CCM2: variants seen among roughly 807,000 people sequenced by gnomAD.
CCM2 encodes the protein CCM2 scaffold protein, also known as cerebral cavernous malformations 2 protein.
A neutral mutation model predicts 44.9 loss-of-function variants in CCM2; 25 were observed. The observed-to-expected ratio is 0.56, with a 90% CI of 0.41 to 0.78. The LOEUF (loss-of-function observed/expected upper bound fraction) is 0.78. CCM2 is among the 30% of genes least tolerant of loss of function. CCM2 has a pLI of 0.00. For missense variants in CCM2, 481 were observed against 580.6 expected (o/e 0.83, Z 1.76); for synonymous variants, 219 against 241.1 (o/e 0.91, Z 0.85).
intron 8 of CCM2, chr7:45,073,892 A>G: frequency 1.9e-6 from 1 of 527,284 alleles, no homozygotes; most frequent in South Asian, 2.2e-5. Flanking sequence ...TCCCCATCTT[A>G]TATAGTTCTG....
At chr7:45,066,526 G>A (rs1343137379) in intron 4 of CCM2, among the ~76,000 whole-genome samples, 1 of 152,198 alleles carries the variant, frequency 6.6e-6, no homozygotes, top group Non-Finnish European at 1.5e-5. Context: ...TTTACTTGGT[G>A]CCTGCTATGT....
At chr7:45,016,521 G>A (rs948287153) in intron 1 of CCM2, among the ~76,000 whole-genome samples, 22 of 151,446 alleles carry the variant, frequency 1.5e-4, no homozygotes, top group African/African-American at 5.3e-4. Flanking sequence ...GTAGAGACGG[G>A]GTTTCATTAT....
intron 6 of CCM2, chr7:45,071,075 C>T (rs1799046407): frequency 6.6e-6 from 1 of 152,278 alleles, no homozygotes; most frequent in Non-Finnish European, 1.5e-5. Context: ...CAGGCATCCT[C>T]TCTATCTCAT....
intron 1 of CCM2, among the ~76,000 whole-genome samples, chr7:45,022,742 C>T (rs954447335): frequency 6.6e-6 from 1 of 151,172 alleles, no homozygotes; most frequent in African/African-American, 2.4e-5. Context: ...TGAAGTCTGG[C>T]TTTTATTTTA....
At chr7:45,062,221 A>G (rs1236407307) in intron 2 of CCM2, among the ~76,000 whole-genome samples, 1 of 152,206 alleles carries the variant, frequency 6.6e-6, no homozygotes, top group Non-Finnish European at 1.5e-5. Context: ...GTCCCATTTC[A>G]TTCTTTTTTA....
chr7:45,004,142 A>G (rs1795753662), intron 1 of CCM2, among the ~76,000 whole-genome samples: 2 of 152,130 alleles, frequency 1.3e-5, no homozygotes, highest in Admixed American at 6.6e-5. Flanking sequence ...TTGTGCCACC[A>G]CCTGAGTGAC....
At position 45,038,294 on chromosome 7, in the gene CCM2, T is replaced by G; in HGVS notation, c.72T>G (p.Gly24=). The G allele has an allele frequency of 6.2e-7, 1 of 1,613,884 alleles. No homozygotes were observed. Among genetic ancestry groups the G allele is most frequent in the Non-Finnish European group, 8.5e-7 (1 of 1,179,996 alleles). ...VSPFKRVFLK[G]EKSRDKKAHE... is the part of the protein sequence containing the mutation. ...CATTTAAACGAGTATTCCTAAAAGG[T>G]GAAAAGAGTAGAGATAAGAAAGCCC... The change falls in exon 2 of 10, where the codon GGT becomes GGG. Residue 24 remains glycine, a synonymous_variant. Coordinates refer to ENST00000258781, the MANE Select transcript of CCM2 (RefSeq NM_031443.4).
intron 2 of CCM2, among the ~76,000 whole-genome samples, chr7:45,042,948 C>CT (rs1797580832): frequency 6.8e-6 from 1 of 148,052 alleles, no homozygotes. Context: ...CTCTTCTCTG[C>CT]TTTCTCTTCT....
intron 2 of CCM2, among the ~76,000 whole-genome samples, chr7:45,040,333 C>T (rs1797429154): frequency 6.6e-6 from 1 of 151,538 alleles, no homozygotes. Flanking sequence ...GCAGTGATCC[C>T]AGATTGTGCC....
chr7:45,012,196 C>T (rs987909266), intron 1 of CCM2, among the ~76,000 whole-genome samples: 8 of 144,362 alleles, frequency 5.5e-5, no homozygotes, highest in South Asian at 2.2e-4. Context: ...TGTAGTGCTA[C>T]GATCTTGGCT....
At chr7:45,010,515 C>T (rs1034970562) in intron 1 of CCM2, among the ~76,000 whole-genome samples, 9 of 152,024 alleles carry the variant, frequency 5.9e-5, no homozygotes, top group Admixed American at 5.2e-4. Context: ...GTTTCAGTTG[C>T]TGAGTAATAT....
intron 2 of CCM2, among the ~76,000 whole-genome samples, chr7:45,039,209 C>G (rs998361991): frequency 6.6e-6 from 1 of 152,154 alleles, no homozygotes; most frequent in Non-Finnish European, 1.5e-5. Context: ...GGGCTTTGGA[C>G]GTGCAGAAAC....
At chr7:45,023,787 G>GTTTTTTTTTT (rs10596429) in intron 1 of CCM2, among the ~76,000 whole-genome samples, 10 of 58,640 alleles carry the variant, frequency 1.7e-4, no homozygotes, top group South Asian at 7.2e-4. Context: ...CTCTGTATCA[G>GTTTTTTTTTT]TTTTTTTTTT....
intron 1 of CCM2, among the ~76,000 whole-genome samples, chr7:45,026,802 C>G (rs997931821): frequency 3.3e-5 from 5 of 151,970 alleles, no homozygotes; most frequent in Non-Finnish European, 5.9e-5. Context: ...GGGGTTTCAC[C>G]GTGTTGGCCA....
chr7:44,999,905 C>T, upstream of CCM2: 1 of 326,208 alleles, frequency 3.1e-6, no homozygotes, highest in South Asian at 2.1e-5. Flanking sequence ...AGGAGCGTTT[C>T]CGGCTCTCCT....
chr7:45,058,459 T>TCCCTCCC (rs1461065681), intron 2 of CCM2, among the ~76,000 whole-genome samples: 1 of 140,754 alleles, frequency 7.1e-6, no homozygotes, highest in Non-Finnish European at 1.5e-5. Context: ...TCTAATGCTA[T>TCCCTCCC]CCCTCCCCCC....
At chr7:45,055,741 A>T (rs755657558) in intron 2 of CCM2, among the ~76,000 whole-genome samples, 41 of 152,194 alleles carry the variant, frequency 2.7e-4, no homozygotes, top group Non-Finnish European at 5.0e-4. Context: ...CAATGGCATA[A>T]AATCAATTCA....
intron 1 of CCM2, among the ~76,000 whole-genome samples, chr7:45,019,592 C>CT (rs1211840773): frequency 1.3e-4 from 20 of 151,078 alleles, no homozygotes; most frequent in Non-Finnish European, 2.7e-4. Flanking sequence ...AAAATCTCAG[C>CT]TTTTTTTTTG....
chr7:45,036,894 G>T (rs1797245178), intron 1 of CCM2, among the ~76,000 whole-genome samples: 1 of 152,086 alleles, frequency 6.6e-6, no homozygotes. Context: ...TCTGTGCACT[G>T]GGTCACCCTA....
Sources: allele counts gnomAD v4.1 joint callset (sites outside exome capture counted in the v4.1 genomes callset), GRCh38; gene constraint gnomAD v4.1.1; transcripts MANE v1.5; gene names NCBI Gene and HGNC (gene_info 2026-07-23, HGNC 2026-07-21).